Variants in ABLIM2 observed in about 807,000 individuals in gnomAD.
The protein encoded by ABLIM2 is actin binding LIM protein family member 2.
ABLIM2 carries 53 observed loss-of-function variants against 97.7 expected under a neutral mutation model. The observed-to-expected ratio is 0.54, with a 90% confidence interval of 0.44 to 0.68. The LOEUF is 0.68. ABLIM2 is among the 30% of genes least tolerant of loss of function. The probability of loss-of-function intolerance (pLI) is 0.00; values close to 1 mark genes in which losing one functional copy is unlikely to be tolerated. For missense variants in ABLIM2, 835 were observed against 867.2 expected (o/e 0.96, Z 0.47); for synonymous variants, 361 against 345.8 (o/e 1.04, Z -0.49).
chr4:7,991,766 G>A (rs529115088), intron 17 of ABLIM2, among the ~76,000 whole-genome samples: 2 of 152,104 alleles, frequency 1.3e-5, no homozygotes, highest in Admixed American at 6.5e-5. Flanking sequence ...GGGGAGATCC[G>A]GGGAGGCTGG....
intron 10 of ABLIM2, among the ~76,000 whole-genome samples, chr4:8,030,107 A>G (rs1161513596): frequency 6.6e-6 from 1 of 152,024 alleles, no homozygotes; most frequent in African/African-American, 2.4e-5. Context: ...GACCCTCGCC[A>G]GCGCCCAGCT....
chr4:7,972,824 A>G (rs978361494), intron 20 of ABLIM2, among the ~76,000 whole-genome samples: 3 of 152,124 alleles, frequency 2.0e-5, no homozygotes, highest in Admixed American at 6.5e-5. Flanking sequence ...CCCATCTCTC[A>G]GACACACCCA....
At chr4:8,139,779 C>A (rs1850692478) in intron 1 of ABLIM2, among the ~76,000 whole-genome samples, 1 of 152,092 alleles carries the variant, frequency 6.6e-6, no homozygotes, top group Admixed American at 6.6e-5. Context: ...ATAAATCATT[C>A]TATTATAAAG....
Position 7,983,561 on chromosome 4 carries a change from G to C in ABLIM2, c.1736-7C>G, listed in dbSNP as rs1740719407. The C allele has an allele frequency of 1.2e-6, 2 of 1,610,000 alleles. No individual in the cohort carries two copies. The highest frequency in any genetic ancestry group is 1.1e-5 in the South Asian group (1 of 90,442). On this transcript the variant is annotated splice_polypyrimidine_tract_variant and splice_region_variant and intron_variant, in intron 18 of 20. Transcript: ENST00000447017. ...GCCCCGCTTACCTTGTATTCTGTAA[G>C]AGAGAGAGAGCGGAGACCACGAAAT...
intron 14 of ABLIM2, among the ~76,000 whole-genome samples, chr4:8,017,415 T>C (rs1770200519): frequency 6.6e-6 from 1 of 151,780 alleles, no homozygotes; most frequent in African/African-American, 2.4e-5. Flanking sequence ...GCCTCCCGAG[T>C]AGCTGGGACT....
chr4:8,033,660 G>C lies in ABLIM2; in HGVS notation c.1047+2489C>G, dbSNP rs540593742. On this transcript the variant is annotated intron_variant, in intron 10 of 20. Coordinates refer to ENST00000447017, the MANE Select transcript of ABLIM2 (RefSeq NM_001130083.2). The surrounding 1 kb of genome is among the most constrained non-coding windows in gnomAD (Gnocchi z 4.5). Reference sequence around the variant, plus strand: ...TCCCCAGAGGGAGGGGGTGACTCCCGAGCCACAGTCCCTCCCTTCCTGCCC... The same window carrying C: ...TCCCCAGAGGGAGGGGGTGACTCCCCAGCCACAGTCCCTCCCTTCCTGCCC... 1.0e-3 allele frequency among the ~76,000 whole-genome samples: 159 copies of C among 152,330 alleles called. No homozygotes were observed. The highest frequency in any genetic ancestry group is 1.9e-3 in the Non-Finnish European group (132 of 68,016).
At chr4:7,981,632 C>T (rs1738524401) in intron 20 of ABLIM2, among the ~76,000 whole-genome samples, 1 of 152,174 alleles carries the variant, frequency 6.6e-6, no homozygotes. Flanking sequence ...CAAGTTCCTA[C>T]CATTTGCAAC....
chr4:8,154,753 GC>G (rs1160306381), intron 1 of ABLIM2, among the ~76,000 whole-genome samples: 2 of 152,192 alleles, frequency 1.3e-5, no homozygotes, highest in Non-Finnish European at 2.9e-5. Flanking sequence ...GAATCCCAGG[GC>G]CTGGAGCAGC....
At chr4:8,154,819 T>C (rs1714729236) in intron 1 of ABLIM2, among the ~76,000 whole-genome samples, 1 of 152,186 alleles carries the variant, frequency 6.6e-6, no homozygotes, top group South Asian at 2.1e-4. Context: ...TACCCAGGAC[T>C]GGGTAATTTG....
In ABLIM2 at chr4:8,005,216, C is replaced by T; in HGVS notation, c.1618+2843G>A. 2 of 469,424 alleles carry T rather than the reference C, an allele frequency of 4.3e-6. No individual in the cohort carries two copies. Among genetic ancestry groups the T allele is most frequent in the Non-Finnish European group, 8.9e-6 (2 of 225,748 alleles). 29.1% of individuals were successfully genotyped at this position (469,424 alleles called of 1,614,324 possible). On this transcript the variant is annotated intron_variant, in intron 16 of 20. Coordinates refer to ENST00000447017, the MANE Select transcript of ABLIM2 (RefSeq NM_001130083.2). The surrounding 1 kb of genome is among the most constrained non-coding windows in gnomAD (Gnocchi z 4.9). ...TGCGCTCGCTCTGTCGGCGTCTCTG[C>T]CTCTCTCAGCTCCCTGCACGCTTCT...
At chr4:8,110,113 G>C (rs1378870107) in intron 1 of ABLIM2, among the ~76,000 whole-genome samples, 1 of 152,264 alleles carries the variant, frequency 6.6e-6, no homozygotes, top group Non-Finnish European at 1.5e-5. Context: ...CAGGCCATGG[G>C]GGCCCCTGTA....
intron 3 of ABLIM2, among the ~76,000 whole-genome samples, chr4:8,088,811 G>C (rs1398347125): frequency 6.6e-6 from 1 of 152,176 alleles, no homozygotes; most frequent in Admixed American, 6.5e-5. Flanking sequence ...TTTCTCTATA[G>C]GTGAGAAACT....
chr4:8,144,419 T>C (rs796912155), intron 1 of ABLIM2, among the ~76,000 whole-genome samples: 4 of 152,326 alleles, frequency 2.6e-5, no homozygotes, highest in African/African-American at 9.6e-5. Flanking sequence ...ACTTGTTCTA[T>C]TTGAAAGGCA....
intron 9 of ABLIM2, among the ~76,000 whole-genome samples, chr4:8,040,405 G>A (rs1275309778): frequency 2.0e-5 from 3 of 152,256 alleles, no homozygotes; most frequent in Middle Eastern, 3.4e-3. Flanking sequence ...GAGGCCAGGA[G>A]TTTGAGACCA....
chr4:8,100,974 G>T (rs556661588), intron 2 of ABLIM2, among the ~76,000 whole-genome samples: 1 of 152,278 alleles, frequency 6.6e-6, no homozygotes, highest in Non-Finnish European at 1.5e-5. Flanking sequence ...GAACGAATCA[G>T]GTATACGGCA....
intron 12 of ABLIM2, chr4:8,020,653 G>C: frequency 3.1e-6 from 1 of 327,816 alleles, no homozygotes; most frequent in Non-Finnish European, 5.7e-6. Flanking sequence ...CTGCAAATTC[G>C]CCAAAACAAA....
Position 8,003,300 on chromosome 4 carries a change from T to C in ABLIM2, c.1618+4759A>G, listed in dbSNP as rs1560533673. On this transcript the variant is annotated intron_variant, in intron 16 of 20. Transcript: ENST00000447017. This position sits in a 1 kb window ranked among gnomAD's most constrained non-coding sequence, Gnocchi z 4.2. ...TAGCCTTCGGCCAGGCAGAGTCATC[T>C]AGCACACAGCCTGGTGCATCATAGA... Among the ~76,000 whole-genome samples, 2 of 152,256 alleles carry C rather than the reference T, an allele frequency of 1.3e-5. No homozygotes were observed. The highest frequency in any genetic ancestry group is 2.9e-5 in the Non-Finnish European group (2 of 68,048).
intron 6 of ABLIM2, among the ~76,000 whole-genome samples, chr4:8,062,342 A>G (rs1294576851): frequency 1.3e-5 from 2 of 152,190 alleles, no homozygotes; most frequent in African/African-American, 4.8e-5. Context: ...CTCTCTGGAT[A>G]GCAGGTCACA....
intron 2 of ABLIM2, among the ~76,000 whole-genome samples, chr4:8,105,222 C>T (rs1048312435): frequency 6.6e-6 from 1 of 152,254 alleles, no homozygotes; most frequent in Non-Finnish European, 1.5e-5. Context: ...ACGCCACCTC[C>T]TCTGCGAAGT....
Sources: allele counts gnomAD v4.1 joint callset (sites outside exome capture counted in the v4.1 genomes callset), GRCh38; gene constraint gnomAD v4.1.1; non-coding constraint Gnocchi (gnomAD v3.1); transcripts MANE v1.5; gene names NCBI Gene and HGNC (gene_info 2026-07-23, HGNC 2026-07-21).